The following PRKG1 variants were observed in gnomAD, a reference collection of about 807,000 sequenced individuals.
PRKG1 encodes the protein cGMP-dependent protein kinase 1.
PRKG1 carries 35 observed loss-of-function variants against 88.1 expected under a neutral mutation model. The ratio of observed to expected loss-of-function variants is 0.40; its 90% CI spans 0.30 to 0.53. The LOEUF (loss-of-function observed/expected upper bound fraction) is 0.53. Among genes scored for constraint, PRKG1 ranks in the 20% least tolerant of loss-of-function variants. PRKG1 has a pLI of 0.59. For missense variants in PRKG1, 540 were observed against 839.8 expected, an observed-to-expected ratio of 0.64 and a Z score of 4.41; for synonymous variants, 303 against 292.5, an observed-to-expected ratio of 1.04 and a Z score of -0.37.
At chr10:51,388,828 G>T (rs1342279651) in intron 2 of PRKG1, among the ~76,000 whole-genome samples, 1 of 152,196 alleles carries the variant, frequency 6.6e-6, no homozygotes, top group African/African-American at 2.4e-5. Flanking sequence ...TGGTTAAAAG[G>T]AAGTTTTTTT....
intron 3 of PRKG1, among the ~76,000 whole-genome samples, chr10:51,683,496 A>C (rs1840902876): frequency 6.6e-6 from 1 of 152,208 alleles, no homozygotes; most frequent in African/African-American, 2.4e-5. Context: ...GAAAAGCTTT[A>C]TTGCAAATCC....
chr10:51,519,497 G>T (rs758141985), intron 3 of PRKG1, among the ~76,000 whole-genome samples: 15 of 152,014 alleles, frequency 9.9e-5, no homozygotes, highest in African/African-American at 3.4e-4. Flanking sequence ...AAAAACATGA[G>T]GGGGGAAATC....
At chr10:51,125,938 TATAA>T (rs1438833233) in intron 1 of PRKG1, among the ~76,000 whole-genome samples, 1 of 132,188 alleles carries the variant, frequency 7.6e-6, no homozygotes, top group Non-Finnish European at 1.5e-5. Context: ...TTATATGATT[TATAA>T]ATATACAATT....
At chr10:51,639,585 A>C (rs981983728) in intron 3 of PRKG1, among the ~76,000 whole-genome samples, 4 of 151,308 alleles carry the variant, frequency 2.6e-5, no homozygotes, top group African/African-American at 9.7e-5. Context: ...AAAACCTAAA[A>C]CATTACTCCT....
intron 3 of PRKG1, among the ~76,000 whole-genome samples, chr10:51,616,150 C>T (rs575853301): frequency 1.1e-4 from 17 of 152,304 alleles, no homozygotes; most frequent in Middle Eastern, 3.4e-3. Context: ...TAAGGTTTTG[C>T]GGGGGACTTG....
At chr10:52,283,084 C>T (rs1393061369) in intron 14 of PRKG1, among the ~76,000 whole-genome samples, 2 of 152,056 alleles carry the variant, frequency 1.3e-5, no homozygotes, top group African/African-American at 2.4e-5. Flanking sequence ...AAAACAGGAA[C>T]AGTCATCTTT....
chr10:51,766,952 A>C (rs1194892235), intron 3 of PRKG1, among the ~76,000 whole-genome samples: 1 of 152,138 alleles, frequency 6.6e-6, no homozygotes, highest in East Asian at 1.9e-4. Context: ...ACAGAAGCCA[A>C]CTCCACAATA....
At chr10:51,614,264 T>C (rs1414322258) in intron 3 of PRKG1, among the ~76,000 whole-genome samples, 1 of 152,116 alleles carries the variant, frequency 6.6e-6, no homozygotes, top group Admixed American at 6.5e-5. Context: ...TATTTTTTAC[T>C]GTTTTGCCTT....
intron 1 of PRKG1, among the ~76,000 whole-genome samples, chr10:51,126,767 A>G (rs1845434363): frequency 6.6e-6 from 1 of 152,072 alleles, no homozygotes; most frequent in Non-Finnish European, 1.5e-5. Flanking sequence ...ACCAAAGCAG[A>G]TAGACCAATA....
At chr10:52,144,738 AC>A (rs11344841) in intron 8 of PRKG1, among the ~76,000 whole-genome samples, 112,196 of 151,984 alleles carry the variant, frequency 0.74, 42,047 homozygotes, top group South Asian at 0.83. Flanking sequence ...AATTGCTTGA[AC>A]CCAGGAGGTG....
intron 7 of PRKG1, among the ~76,000 whole-genome samples, chr10:52,132,840 T>C (rs1837303198): frequency 6.6e-6 from 1 of 152,124 alleles, no homozygotes; most frequent in South Asian, 2.1e-4. Context: ...TACTTAGGTG[T>C]ACATAGTAGG....
chr10:50,991,731 C>A lies in PRKG1; in HGVS notation c.266+87C>A, dbSNP rs1307117468. ...TCTGGCCGCGGCGGCGGGGGCGGGT[C>A]GGCCCAGGGCGCCCCCTGCTCGCTG... On this transcript the variant is annotated intron_variant, in intron 1 of 17. Coordinates refer to the PRKG1 transcript ENST00000401604. The surrounding 1 kb of genome is among the most constrained non-coding windows in gnomAD (Gnocchi z 4.5). 2.0e-6 allele frequency: 2 copies of A among 1,013,374 alleles called. No individual in the cohort carries two copies. Among genetic ancestry groups the A allele is most frequent in the Non-Finnish European group, 2.4e-6 (2 of 831,246 alleles). 62.8% of individuals were successfully genotyped at this position (1,013,374 alleles called of 1,614,324 possible).
Position 50,991,460 on chromosome 10 carries a change from GAGA to G in PRKG1, c.85_87del (p.Lys29del). On this transcript the variant is annotated inframe_deletion, in exon 1 of 18. Coordinates refer to the PRKG1 transcript ENST00000401604. This position sits in a 1 kb window ranked among gnomAD's most constrained non-coding sequence, Gnocchi z 4.5. ...CAAAGAGCTGGAGAAGCGGCTGTCAGAGAAGGAGGAAGAAATTCAGGAGCTGAA... is the reference window on the plus strand; with the variant it reads ...CAAAGAGCTGGAGAAGCGGCTGTCAGAGGAGGAAGAAATTCAGGAGCTGAA... 4 of 1,607,118 alleles carry G rather than the reference GAGA, an allele frequency of 2.5e-6. No individual in the cohort carries two copies. Among genetic ancestry groups the G allele is most frequent in the South Asian group, 1.1e-5 (1 of 89,404 alleles).
intron 2 of PRKG1, among the ~76,000 whole-genome samples, chr10:51,218,532 A>ATATATATATAT (rs61030217): frequency 6.1e-5 from 3 of 49,408 alleles, no homozygotes; most frequent in Non-Finnish European, 1.1e-4. Context: ...TATATATATA[A>ATATATATATAT]AATGTGTGTA....
intron 3 of PRKG1, among the ~76,000 whole-genome samples, chr10:51,679,684 T>C (rs1221042125): frequency 2.0e-5 from 3 of 150,434 alleles, no homozygotes; most frequent in East Asian, 3.9e-4. Flanking sequence ...GGCAGGAGAA[T>C]AGGGTCTGGG....
intron 4 of PRKG1, among the ~76,000 whole-genome samples, chr10:51,834,716 G>GAAA (rs1400586899): frequency 1.4e-5 from 2 of 144,030 alleles, no homozygotes; most frequent in African/African-American, 5.2e-5. Context: ...GAAAGAGAAA[G>GAAA]AGAAAGAAAA....
At chr10:51,992,877 G>A (rs1024958787) in intron 5 of PRKG1, among the ~76,000 whole-genome samples, 2 of 152,178 alleles carry the variant, frequency 1.3e-5, no homozygotes, top group Non-Finnish European at 2.9e-5. Context: ...GTAGAAGACA[G>A]TAGATATCTA....
Position 51,422,295 on chromosome 10 carries a change from G to A in PRKG1, c.479-45428G>A, listed in dbSNP as rs113376119. ...CAAACTCTGTAGTTAGGAAAGGATG[G>A]CACTGTGAGGTTTCTGTAAGAAAGG... On this transcript the variant is annotated intron_variant, in intron 2 of 17. Transcript: ENST00000373980. 2.7e-3 allele frequency among the ~76,000 whole-genome samples: 416 copies of A among 152,296 alleles called. 1 individual carries two copies. Among genetic ancestry groups the A allele is most frequent in the African/African-American group, 9.7e-3 (405 of 41,576 alleles).
chr10:51,781,888 TATTA>T (rs149405302), intron 3 of PRKG1, among the ~76,000 whole-genome samples: 4,258 of 152,130 alleles, frequency 0.028, 176 homozygotes, highest in African/African-American at 0.093. Flanking sequence ...GCAAAGTACT[TATTA>T]ATTTTTTCTT....
Sources: gnomAD v4.1 joint callset for allele counts (sites outside exome capture counted in the v4.1 genomes callset) on GRCh38, gnomAD v4.1.1 for gene constraint, Gnocchi (gnomAD v3.1) non-coding constraint, MANE v1.5 for transcripts, NCBI Gene and HGNC (gene_info 2026-07-23, HGNC 2026-07-21) for gene names.